SCAPER: variants seen among roughly 807,000 people sequenced by gnomAD.
SCAPER encodes the protein S-phase cyclin A associated protein in the ER.
In SCAPER, 98 loss-of-function variants were observed where a neutral mutation model predicts 182.2. The ratio of observed to expected loss-of-function variants is 0.54; its 90% CI spans 0.46 to 0.64. The LOEUF is 0.64. Among genes scored for constraint, SCAPER ranks in the 30% least tolerant of loss-of-function variants. The probability of loss-of-function intolerance (pLI) is 0.00; values close to 1 mark genes in which losing one functional copy is unlikely to be tolerated. For missense variants in SCAPER, 1,432 were observed against 1,690.0 expected, an observed-to-expected ratio of 0.85 and a Z score of 2.68; for synonymous variants, 605 against 564.6, an observed-to-expected ratio of 1.07 and a Z score of -1.01.
intron 24 of SCAPER, among the ~76,000 whole-genome samples, chr15:76,483,282 G>A (rs548779867): frequency 8.2e-6 from 1 of 121,746 alleles, no homozygotes; most frequent in East Asian, 2.5e-4. Context: ...TAGAACAACT[G>A]GATATTCACA....
chr15:76,581,083 C>T (rs2048234856), intron 22 of SCAPER, among the ~76,000 whole-genome samples: 1 of 152,060 alleles, frequency 6.6e-6, no homozygotes, highest in African/African-American at 2.4e-5. Flanking sequence ...ATACAACCTA[C>T]CAAGGCTGAA....
intron 23 of SCAPER, among the ~76,000 whole-genome samples, chr15:76,558,818 C>A (rs1020825653): frequency 6.6e-6 from 1 of 152,094 alleles, no homozygotes; most frequent in Non-Finnish European, 1.5e-5. Context: ...GATATATATA[C>A]ACACATACAT....
Position 76,404,577 on chromosome 15 carries a change from A to G in SCAPER, c.3414T>C (p.His1138=). The G allele has an allele frequency of 6.2e-7, 1 of 1,613,734 alleles. No individual in the cohort carries two copies. The highest frequency in any genetic ancestry group is 8.5e-7 in the Non-Finnish European group (1 of 1,179,798). ...ENPKMAIFLQ[H]AAGLLHAMCT... ...ACATTGCATGTAAGAGTCCTGCGGC[A>G]TGCTGCAGAAATATGGCCATCTTGG... The change falls in exon 27 of 32, where the codon CAT becomes CAC. Residue 1138 remains histidine (H), a synonymous_variant. Transcript: ENST00000563290.
At chr15:76,766,792 C>T (rs1310887925) in intron 11 of SCAPER, 126 bp downstream of exon 11, 2 of 746,574 alleles carry the variant, frequency 2.7e-6, no homozygotes, top group African/African-American at 3.6e-5. Flanking sequence ...GTTATGATTA[C>T]TGAACATGAT....
chr15:76,450,777 A>C (rs2048321996), intron 25 of SCAPER, among the ~76,000 whole-genome samples: 1 of 151,988 alleles, frequency 6.6e-6, no homozygotes, highest in Non-Finnish European at 1.5e-5. Flanking sequence ...CTGGTCTCGA[A>C]CTCCTGGGCT....
At chr15:76,589,947 A>G (rs540400036) in intron 22 of SCAPER, among the ~76,000 whole-genome samples, 2 of 152,268 alleles carry the variant, frequency 1.3e-5, no homozygotes, top group South Asian at 4.1e-4. Context: ...CACGATCTGG[A>G]ACTTCAGGTT....
Position 76,846,099 on chromosome 15 carries a change from G to A in SCAPER, c.196-4168C>T, listed in dbSNP as rs566120461. On this transcript the variant is annotated intron_variant, in intron 4 of 31. Coordinates refer to ENST00000563290, the MANE Select transcript of SCAPER (RefSeq NM_020843.4). ...TGCCAGGAACATGCACCGGGGAAAA[G>A]ACAGTCTCTTCAATAAATGGTGCTG... Among the ~76,000 whole-genome samples the A allele has an allele frequency of 2.0e-3, 301 of 152,214 alleles. 1 individual carries two copies. The highest frequency in any genetic ancestry group is 7.1e-3 in the African/African-American group (293 of 41,546).
At chr15:76,774,826 A>G in intron 9 of SCAPER, 29 bp downstream of exon 9, 1 of 1,582,100 alleles carries the variant, frequency 6.3e-7, no homozygotes, top group Non-Finnish European at 8.6e-7. Context: ...TTTGAAAAAG[A>G]CAGTAAAAGG....
intron 16 of SCAPER, among the ~76,000 whole-genome samples, chr15:76,730,182 A>G (rs113365854): frequency 1.3e-5 from 2 of 152,318 alleles, no homozygotes; most frequent in African/African-American, 4.8e-5. Flanking sequence ...AACATTTCTA[A>G]TAGTTAACTG....
intron 26 of SCAPER, among the ~76,000 whole-genome samples, chr15:76,425,616 T>C (rs894404858): frequency 7.9e-5 from 12 of 152,202 alleles, no homozygotes; most frequent in Admixed American, 4.6e-4. Flanking sequence ...TCTCTCAACT[T>C]GTTAAAGTCA....
At chr15:76,369,638 C>A (rs1476529452) in intron 29 of SCAPER, among the ~76,000 whole-genome samples, 1 of 152,180 alleles carries the variant, frequency 6.6e-6, no homozygotes, top group Non-Finnish European at 1.5e-5. Context: ...CTTACCACAC[C>A]CTCTTAGCAA....
At chr15:76,887,518 G>A (rs2073907086) in intron 1 of SCAPER, among the ~76,000 whole-genome samples, 1 of 152,170 alleles carries the variant, frequency 6.6e-6, no homozygotes, top group African/African-American at 2.4e-5. Flanking sequence ...GCCTGGCTCG[G>A]TGGGTCCCAC....
intron 23 of SCAPER, among the ~76,000 whole-genome samples, chr15:76,506,641 T>C (rs1451530651): frequency 6.6e-6 from 1 of 152,040 alleles, no homozygotes; most frequent in Non-Finnish European, 1.5e-5. Flanking sequence ...GGAAAAAAAT[T>C]ATATATACAT....
intron 23 of SCAPER, among the ~76,000 whole-genome samples, chr15:76,546,638 C>T (rs2045312185): frequency 6.6e-6 from 1 of 151,904 alleles, no homozygotes; most frequent in Non-Finnish European, 1.5e-5. Flanking sequence ...CTCTCTCTCT[C>T]TCTCCCTCTC....
At chr15:76,531,651 T>TA (rs1174283004) in intron 23 of SCAPER, among the ~76,000 whole-genome samples, 7,807 of 146,584 alleles carry the variant, frequency 0.053, 590 homozygotes, top group African/African-American at 0.17. Context: ...AAATATATGT[T>TA]AAAAAAAAAA....
chr15:76,835,115 T>C (rs1402187578), intron 5 of SCAPER, among the ~76,000 whole-genome samples: 1 of 151,786 alleles, frequency 6.6e-6, no homozygotes, highest in African/African-American at 2.4e-5. Context: ...CAAAAACCAG[T>C]AGCATTTCTA....
chr15:76,636,415 C>A (rs2053605668), intron 21 of SCAPER, among the ~76,000 whole-genome samples: 1 of 151,904 alleles, frequency 6.6e-6, no homozygotes, highest in Non-Finnish European at 1.5e-5. Flanking sequence ...AACTGTTCTC[C>A]CTTTCCCTGG....
chr15:76,448,932 C>G (rs2048188339), intron 25 of SCAPER, among the ~76,000 whole-genome samples: 1 of 152,180 alleles, frequency 6.6e-6, no homozygotes, highest in Admixed American at 6.5e-5. Context: ...GTTATCATCT[C>G]TCTTCTACTG....
intron 8 of SCAPER, among the ~76,000 whole-genome samples, chr15:76,786,496 T>C (rs937080159): frequency 6.6e-6 from 1 of 152,108 alleles, no homozygotes; most frequent in African/African-American, 2.4e-5. Context: ...CTTCCTCAAC[T>C]TGATAAAGAA....
Sources: allele counts gnomAD v4.1 joint callset (sites outside exome capture counted in the v4.1 genomes callset), GRCh38; gene constraint gnomAD v4.1.1; transcripts MANE v1.5; gene names NCBI Gene and HGNC (gene_info 2026-07-23, HGNC 2026-07-21).